The following TMTC2 variants were observed in gnomAD, a reference collection of about 807,000 sequenced individuals.
The protein encoded by TMTC2 is protein O-mannosyl-transferase TMTC2.
In TMTC2, 43 loss-of-function variants were observed where a neutral mutation model predicts 82.4. That is an observed-to-expected ratio of 0.52 (90% confidence interval 0.41 to 0.67). The LOEUF is 0.67. Ranked by LOEUF, TMTC2 falls within the 30% of genes least tolerant of loss-of-function variation. The probability of loss-of-function intolerance (pLI) is 0.00; values close to 1 mark genes in which losing one functional copy is unlikely to be tolerated. For missense variants in TMTC2, 919 were observed against 1,012.4 expected (o/e 0.91, Z 1.25); for synonymous variants, 408 against 381.9 (o/e 1.07, Z -0.80).
chr12:82,735,397 G>C (rs1045779986), intron 1 of TMTC2, among the ~76,000 whole-genome samples: 3 of 150,554 alleles, frequency 2.0e-5, no homozygotes, highest in Admixed American at 6.6e-5. Flanking sequence ...CCAGGCTGGA[G>C]TGCAGTGGCG....
chr12:82,918,635 T>C (rs1172077835), intron 3 of TMTC2, among the ~76,000 whole-genome samples: 1 of 152,236 alleles, frequency 6.6e-6, no homozygotes, highest in Non-Finnish European at 1.5e-5. Flanking sequence ...TGATTACTTA[T>C]GCAGACCTGA....
At chr12:82,985,472 G>A (rs1461578862) in intron 7 of TMTC2, among the ~76,000 whole-genome samples, 1 of 152,100 alleles carries the variant, frequency 6.6e-6, no homozygotes, top group Non-Finnish European at 1.5e-5. Flanking sequence ...TAAGTCATTT[G>A]TGGATAGGAT....
intron 8 of TMTC2, among the ~76,000 whole-genome samples, chr12:82,994,302 C>T (rs1879522767): frequency 2.0e-5 from 3 of 152,072 alleles, no homozygotes; most frequent in Admixed American, 6.5e-5. Context: ...TACAGGTGCC[C>T]GCTACCGGGC....
At chr12:83,053,729 C>G (rs1042889732) in intron 10 of TMTC2, among the ~76,000 whole-genome samples, 1 of 151,928 alleles carries the variant, frequency 6.6e-6, no homozygotes, top group Non-Finnish European at 1.5e-5. Flanking sequence ...GTAGAATAAG[C>G]TAATATAAAG....
At chr12:82,841,466 G>A (rs1870331091) in intron 1 of TMTC2, among the ~76,000 whole-genome samples, 1 of 152,172 alleles carries the variant, frequency 6.6e-6, no homozygotes, top group African/African-American at 2.4e-5. Context: ...GGTACTTTGT[G>A]TAAGCTCATC....
intron 9 of TMTC2, among the ~76,000 whole-genome samples, chr12:83,050,685 T>A (rs1453051655): frequency 6.6e-6 from 1 of 151,846 alleles, no homozygotes; most frequent in African/African-American, 2.4e-5. Flanking sequence ...CTATAGACGA[T>A]TTCTTTTTAA....
intron 9 of TMTC2, among the ~76,000 whole-genome samples, chr12:83,039,436 T>C (rs965147725): frequency 6.6e-6 from 1 of 151,908 alleles, no homozygotes; most frequent in African/African-American, 2.4e-5. Flanking sequence ...ATATGATATT[T>C]GATGAATATA....
chr12:82,723,395 A>G (rs1327364080), intron 1 of TMTC2, among the ~76,000 whole-genome samples: 1 of 152,138 alleles, frequency 6.6e-6, no homozygotes, highest in Admixed American at 6.5e-5. Flanking sequence ...AAGATCTAAT[A>G]AAGGTTTATT....
At chr12:82,931,963 G>A (rs192877458) in intron 4 of TMTC2, among the ~76,000 whole-genome samples, 1 of 152,076 alleles carries the variant, frequency 6.6e-6, no homozygotes, top group Non-Finnish European at 1.5e-5. Flanking sequence ...TGGAATGGAG[G>A]CAAAACAGTT....
chr12:82,780,345 T>G (rs1379995264), intron 1 of TMTC2, among the ~76,000 whole-genome samples: 2 of 152,122 alleles, frequency 1.3e-5, no homozygotes, highest in African/African-American at 4.8e-5. Flanking sequence ...CTTTATTTTT[T>G]TCCCTTTTGC....
intron 1 of TMTC2, among the ~76,000 whole-genome samples, chr12:82,826,658 T>C (rs1295435566): frequency 6.6e-6 from 1 of 152,354 alleles, no homozygotes; most frequent in Non-Finnish European, 1.5e-5. Flanking sequence ...GTAGAAAGTC[T>C]TTCTTAATTA....
chr12:82,994,360 G>C (rs1418924797), intron 8 of TMTC2, among the ~76,000 whole-genome samples: 1 of 152,044 alleles, frequency 6.6e-6, no homozygotes, highest in Non-Finnish European at 1.5e-5. Flanking sequence ...GGCCAGGCTG[G>C]TCTCAAGTCA....
intron 11 of TMTC2, among the ~76,000 whole-genome samples, chr12:83,084,313 C>A (rs1403155932): frequency 2.0e-5 from 3 of 152,148 alleles, no homozygotes; most frequent in Admixed American, 6.5e-5. Flanking sequence ...AACCCTTTAA[C>A]TTTGCTTGGC....
chr12:83,105,843 A>G (rs1413667778), intron 11 of TMTC2, among the ~76,000 whole-genome samples: 2 of 152,198 alleles, frequency 1.3e-5, no homozygotes, highest in Admixed American at 6.5e-5. Flanking sequence ...AGATCAAGCA[A>G]TTTGTTAAAG....
At chr12:82,989,570 CA>C (rs201822949) in intron 8 of TMTC2, among the ~76,000 whole-genome samples, 2 of 150,378 alleles carry the variant, frequency 1.3e-5, no homozygotes, top group Non-Finnish European at 1.5e-5. Flanking sequence ...GCACCCCCCC[CA>C]AAAAAAAGTT....
At chr12:82,748,790 T>C (rs1266792117) in intron 1 of TMTC2, among the ~76,000 whole-genome samples, 1 of 152,122 alleles carries the variant, frequency 6.6e-6, no homozygotes, top group Non-Finnish European at 1.5e-5. Flanking sequence ...GGCAGGAGAA[T>C]CGCTTGAACC....
chr12:83,079,278 T>C (rs905013164), intron 11 of TMTC2, among the ~76,000 whole-genome samples: 1 of 152,080 alleles, frequency 6.6e-6, no homozygotes, highest in African/African-American at 2.4e-5. Context: ...TGCAGTTTAT[T>C]TCTTGATTAT....
At chr12:82,842,262 A>G (rs1279643819) in intron 1 of TMTC2, among the ~76,000 whole-genome samples, 1 of 152,188 alleles carries the variant, frequency 6.6e-6, no homozygotes, top group African/African-American at 2.4e-5. Flanking sequence ...AACTTTGTCA[A>G]TCTCAATGTA....
At chr12:82,849,705 CTT>C (rs1870872471) in intron 1 of TMTC2, among the ~76,000 whole-genome samples, 1 of 152,108 alleles carries the variant, frequency 6.6e-6, no homozygotes, top group South Asian at 2.1e-4. Flanking sequence ...ATTTAATACA[CTT>C]TTGGTTGCAG....
Sources: allele counts gnomAD v4.1 joint callset (sites outside exome capture counted in the v4.1 genomes callset), GRCh38; gene constraint gnomAD v4.1.1; transcripts MANE v1.5; gene names NCBI Gene and HGNC (gene_info 2026-07-23, HGNC 2026-07-21).